TENM4: variants seen among roughly 807,000 people sequenced by gnomAD.
TENM4 encodes teneurin transmembrane protein 4.
In TENM4, 82 loss-of-function variants were observed where a neutral mutation model predicts 243.3. The ratio of observed to expected loss-of-function variants is 0.34; its 90% confidence interval spans 0.28 to 0.40. The LOEUF (loss-of-function observed/expected upper bound fraction) is 0.40. TENM4 is among the 10% of genes least tolerant of loss of function. The pLI, the probability that TENM4 is intolerant of heterozygous loss-of-function variation, is 1.00. For missense variants in TENM4, 3,138 were observed against 3,673.3 expected (o/e 0.85, Z 3.77); for synonymous variants, 1,412 against 1,456.3 (o/e 0.97, Z 0.69).
intron 2 of TENM4, among the ~76,000 whole-genome samples, chr11:79,216,695 C>T (rs1044400483): frequency 1.3e-5 from 2 of 152,184 alleles, no homozygotes; most frequent in Admixed American, 6.5e-5. Flanking sequence ...GTTCACTTGC[C>T]CTTCCGCCTT....
At chr11:78,943,205 A>G (rs1389813978) in intron 6 of TENM4, among the ~76,000 whole-genome samples, 1 of 152,224 alleles carries the variant, frequency 6.6e-6, no homozygotes, top group African/African-American at 2.4e-5. Context: ...CCCCCAAGCT[A>G]GGGCAGGAGG....
intron 2 of TENM4, among the ~76,000 whole-genome samples, chr11:79,226,052 T>C (rs1864258916): frequency 6.6e-6 from 1 of 152,138 alleles, no homozygotes; most frequent in South Asian, 2.1e-4. Context: ...ATAGCCTTCA[T>C]ACATTCACAC....
At chr11:78,659,767 C>A (rs1320205142) in intron 33 of TENM4, among the ~76,000 whole-genome samples, 1 of 152,194 alleles carries the variant, frequency 6.6e-6, no homozygotes, top group Non-Finnish European at 1.5e-5. Flanking sequence ...ACAGGTCGGG[C>A]CCTGCCAACT....
chr11:78,778,127 T>C (rs1331587494), intron 17 of TENM4, among the ~76,000 whole-genome samples: 6 of 152,166 alleles, frequency 3.9e-5, no homozygotes, highest in Admixed American at 1.3e-4. Context: ...GGGTGCTCCA[T>C]AGATGCTCGT....
chr11:79,027,471 G>T (rs1439095439), intron 6 of TENM4, among the ~76,000 whole-genome samples: 1 of 152,226 alleles, frequency 6.6e-6, no homozygotes, highest in African/African-American at 2.4e-5. Flanking sequence ...AGCGATGTAG[G>T]TTAGGTGGCC....
At chr11:79,240,436 G>A (rs1389967754) in intron 2 of TENM4, among the ~76,000 whole-genome samples, 2 of 152,032 alleles carry the variant, frequency 1.3e-5, no homozygotes, top group Non-Finnish European at 2.9e-5. Context: ...ATCCATCATA[G>A]GCCACCTCCT....
intron 4 of TENM4, among the ~76,000 whole-genome samples, chr11:79,134,521 A>T (rs1172887240): frequency 6.6e-6 from 1 of 152,190 alleles, no homozygotes; most frequent in Non-Finnish European, 1.5e-5. Flanking sequence ...GGAACAGAAA[A>T]AGAGCCTGCA....
At chr11:79,137,739 G>C (rs1169206122) in intron 4 of TENM4, among the ~76,000 whole-genome samples, 1 of 151,974 alleles carries the variant, frequency 6.6e-6, no homozygotes, top group Non-Finnish European at 1.5e-5. Flanking sequence ...TTAACTTCAC[G>C]TCAACATTTA....
chr11:79,116,362 G>A (rs61882093), intron 4 of TENM4, among the ~76,000 whole-genome samples: 27,850 of 152,226 alleles, frequency 0.18, 3,097 homozygotes, highest in African/African-American at 0.32. Context: ...GAGTAAAGCT[G>A]GGGTTCAAAT....
chr11:79,086,960 T>C (rs2137043125), intron 4 of TENM4, among the ~76,000 whole-genome samples: 1 of 152,322 alleles, frequency 6.6e-6, no homozygotes, highest in East Asian at 1.9e-4. Context: ...TACCATTCTG[T>C]ACCTTTTTTT....
Position 79,207,823 on chromosome 11 carries a change from G to T in TENM4, c.-163+7985C>A, listed in dbSNP as rs544581064. On this transcript the variant is annotated intron_variant, in intron 3 of 33. Coordinates refer to ENST00000278550, the MANE Select transcript of TENM4 (RefSeq NM_001098816.3). ...AGAGGTTGCAGTGAACAGAGATTGTGTCACTGTACTCCAGCCTGGATGACA... is the reference window on the plus strand; with the variant it reads ...AGAGGTTGCAGTGAACAGAGATTGTTTCACTGTACTCCAGCCTGGATGACA... 3.6e-5 allele frequency among the ~76,000 whole-genome samples: 5 copies of T among 139,540 alleles called. No individual in the cohort carries two copies. In the South Asian group the frequency reaches 1.2e-3, roughly 33 times the overall value. The allele number at this position is 139,540 out of a possible 152,430, so 91.5% of individuals were successfully genotyped here. A position where few individuals can be genotyped will look rare whatever the true frequency, so the allele number is the denominator to read the frequency against.
intron 9 of TENM4, among the ~76,000 whole-genome samples, chr11:78,879,756 C>A (rs1043076888): frequency 6.6e-6 from 1 of 150,478 alleles, no homozygotes; most frequent in Non-Finnish European, 1.5e-5. Flanking sequence ...AAGTGGGGAG[C>A]GCCTCCACCC....
intron 2 of TENM4, among the ~76,000 whole-genome samples, chr11:79,292,608 A>C (rs1404633788): frequency 6.6e-6 from 1 of 152,202 alleles, no homozygotes; most frequent in Non-Finnish European, 1.5e-5. Flanking sequence ...AATTCTCTGA[A>C]GGGGCCATGG....
intron 10 of TENM4, among the ~76,000 whole-genome samples, chr11:78,858,506 C>T (rs1024283404): frequency 2.6e-5 from 4 of 152,178 alleles, no homozygotes; most frequent in Admixed American, 2.6e-4. Flanking sequence ...GCCTGCTGAT[C>T]ACCTTTACCT....
intron 6 of TENM4, among the ~76,000 whole-genome samples, chr11:79,056,087 C>CA (rs1321086784): frequency 6.6e-6 from 1 of 152,208 alleles, no homozygotes; most frequent in East Asian, 1.9e-4. Context: ...CAAGCAGCCT[C>CA]AGAAACCACT....
chr11:78,686,721 A>C (rs576557470), intron 29 of TENM4, among the ~76,000 whole-genome samples: 1 of 152,290 alleles, frequency 6.6e-6, no homozygotes, highest in East Asian at 1.9e-4. Context: ...TTGGTCACAG[A>C]AGTCTTCTGT....
At position 78,654,710 on chromosome 11, in the gene TENM4, C is replaced by T. The variant is rs1857847976; in HGVS notation, c.*3348G>A. 1 of 151,374 alleles carries T rather than the reference C, an allele frequency of 6.6e-6. No homozygotes were observed. The highest frequency in any genetic ancestry group is 1.5e-5 in the Non-Finnish European group (1 of 67,906). The allele number at this position is 151,374 out of a possible 1,614,324, so 9.4% of individuals were successfully genotyped here. A position where few individuals can be genotyped will look rare whatever the true frequency, so the allele number is the denominator to read the frequency against. On this transcript the variant is annotated 3_prime_UTR_variant, in exon 34 of 34. Transcript: ENST00000278550. ...TTGGGTTAATTCTCAGCCAACAATT[C>T]TGAGAGATGAGGGTCAGAGGCTGAC...
At chr11:78,777,916 C>A (rs1281590658) in intron 17 of TENM4, among the ~76,000 whole-genome samples, 1 of 152,148 alleles carries the variant, frequency 6.6e-6, no homozygotes, top group Admixed American at 6.5e-5. Context: ...AATCAGGTAC[C>A]ACCCAACTAA....
chr11:78,836,155 C>T lies in TENM4; in HGVS notation c.1681+17949G>A, dbSNP rs1004065158. 5.9e-5 allele frequency among the ~76,000 whole-genome samples: 9 copies of T among 151,980 alleles called. 1 individual carries two copies. Among genetic ancestry groups the T allele is most frequent in the Non-Finnish European group, 8.8e-5 (6 of 67,994 alleles). ...GATGGGTCACCTGAGGTCAGGAGTT[C>T]GAGAACAGCCTCACCAACATGGTGA... On this transcript the variant is annotated intron_variant, in intron 12 of 33. Transcript: ENST00000278550.
Sources: gnomAD v4.1 joint callset for allele counts (sites outside exome capture counted in the v4.1 genomes callset) on GRCh38, gnomAD v4.1.1 for gene constraint, MANE v1.5 for transcripts, NCBI Gene and HGNC (gene_info 2026-07-23, HGNC 2026-07-21) for gene names.